CACNB4: variants seen among roughly 807,000 people sequenced by gnomAD.
CACNB4 encodes the protein voltage-dependent L-type calcium channel subunit beta-4.
CACNB4 carries 32 observed loss-of-function variants against 71.2 expected under a neutral mutation model. The observed-to-expected ratio is 0.45, with a 90% CI of 0.34 to 0.60. CACNB4 has a LOEUF of 0.60. CACNB4 is among the 20% of genes least tolerant of loss of function. The pLI is 0.01. For missense variants in CACNB4, 464 were observed against 647.9 expected, an observed-to-expected ratio of 0.72 and a Z score of 3.08; for synonymous variants, 231 against 236.9, an observed-to-expected ratio of 0.97 and a Z score of 0.23.
At chr2:152,067,420 A>C (rs1686409560) in intron 2 of CACNB4, among the ~76,000 whole-genome samples, 1 of 151,122 alleles carries the variant, frequency 6.6e-6, no homozygotes, top group African/African-American at 2.5e-5. Flanking sequence ...TGTGTTGCCC[A>C]GGCTGGTCTT....
intron 2 of CACNB4, among the ~76,000 whole-genome samples, chr2:151,986,567 T>C (rs1206515238): frequency 6.6e-6 from 1 of 152,186 alleles, no homozygotes; most frequent in Non-Finnish European, 1.5e-5. Flanking sequence ...CTATTGATAT[T>C]GGGGTCACAT....
intron 2 of CACNB4, among the ~76,000 whole-genome samples, chr2:151,940,631 G>A (rs979851442): frequency 6.6e-6 from 1 of 152,160 alleles, no homozygotes; most frequent in Non-Finnish European, 1.5e-5. Context: ...TATCCTATCG[G>A]AACTTCAATT....
At chr2:152,029,830 T>G (rs900699954) in intron 2 of CACNB4, among the ~76,000 whole-genome samples, 2 of 152,232 alleles carry the variant, frequency 1.3e-5, no homozygotes, top group Non-Finnish European at 2.9e-5. Flanking sequence ...GCACCATCCA[T>G]GAACCAGAAC....
chr2:152,093,400 GGTGTGTGTGTGTGTGT>G (rs34845177), intron 2 of CACNB4, among the ~76,000 whole-genome samples: 1 of 146,556 alleles, frequency 6.8e-6, no homozygotes, highest in Non-Finnish European at 1.5e-5. Flanking sequence ...GCTGTTTTTT[GGTGTGTGTGTGTGTGT>G]GTGTGTGTGT....
intron 2 of CACNB4, among the ~76,000 whole-genome samples, chr2:152,031,970 G>C (rs919851950): frequency 2.6e-5 from 4 of 152,152 alleles, no homozygotes; most frequent in East Asian, 3.8e-4. Context: ...TTGAACGAAG[G>C]CTCCATCAGG....
At chr2:151,955,888 G>A (rs557789788) in intron 2 of CACNB4, among the ~76,000 whole-genome samples, 1 of 150,004 alleles carries the variant, frequency 6.7e-6, no homozygotes, top group East Asian at 1.9e-4. Context: ...GGCCAACAGA[G>A]CAAGGCACGG....
chr2:151,933,620 A>C (rs2099862174), intron 2 of CACNB4, among the ~76,000 whole-genome samples: 1 of 152,146 alleles, frequency 6.6e-6, no homozygotes, highest in Admixed American at 6.5e-5. Context: ...TGTGTGAACC[A>C]CCAGACCCTA....
chr2:151,985,280 C>A (rs1032899416), intron 2 of CACNB4, among the ~76,000 whole-genome samples: 2 of 152,070 alleles, frequency 1.3e-5, no homozygotes, highest in African/African-American at 2.4e-5. Flanking sequence ...TTAGCAGTAA[C>A]AACATAAGTG....
rs117999543 is a variant in CACNB4 at position 151,958,557 on chromosome 2, G to A, written c.148-75187C>T. On this transcript the variant is annotated intron_variant, in intron 2 of 13. Transcript: ENST00000539935. ...TCTCAGTGGCATCACTGTCCAACCG[G>A]TCAGTCACCTAAGCCGAAAGTGGGA... is the stretch of plus-strand genomic sequence containing the variant. 5.3e-4 allele frequency among the ~76,000 whole-genome samples: 80 copies of A among 152,272 alleles called. No individual in the cohort carries two copies. The East Asian group carries it at 0.014, about 26-fold the overall frequency.
At chr2:151,928,616 A>G (rs2099860848) in intron 2 of CACNB4, among the ~76,000 whole-genome samples, 1 of 152,198 alleles carries the variant, frequency 6.6e-6, no homozygotes, top group Non-Finnish European at 1.5e-5. Flanking sequence ...TCGTTTGGTA[A>G]ATAGTTCCAA....
At chr2:151,864,598 T>C (rs929845127) in intron 9 of CACNB4, among the ~76,000 whole-genome samples, 1 of 152,182 alleles carries the variant, frequency 6.6e-6, no homozygotes, top group Non-Finnish European at 1.5e-5. Context: ...AATGCAACAG[T>C]GCACTTTCAG....
intron 2 of CACNB4, among the ~76,000 whole-genome samples, chr2:152,003,954 C>T (rs1289816715): frequency 6.6e-6 from 1 of 152,114 alleles, no homozygotes; most frequent in East Asian, 1.9e-4. Flanking sequence ...AAGCAATCCT[C>T]TCACCTCTGC....
At chr2:151,935,806 G>A (rs1415134095) in intron 2 of CACNB4, among the ~76,000 whole-genome samples, 1 of 152,166 alleles carries the variant, frequency 6.6e-6, no homozygotes, top group Non-Finnish European at 1.5e-5. Context: ...TTCAAGATCG[G>A]ATGTGTTCTT....
At chr2:152,008,033 A>C (rs1682829653) in intron 2 of CACNB4, among the ~76,000 whole-genome samples, 1 of 151,800 alleles carries the variant, frequency 6.6e-6, no homozygotes, top group South Asian at 2.1e-4. Flanking sequence ...CAGCCTCCCA[A>C]AGTGCTGGGA....
Position 152,073,422 on chromosome 2 carries a change from C to T in CACNB4, c.147+24908G>A, listed in dbSNP as rs149436069. 2.0e-5 allele frequency among the ~76,000 whole-genome samples: 3 copies of T among 152,260 alleles called. 1 individual carries two copies. The highest frequency in any genetic ancestry group is 4.1e-4 in the South Asian group (2 of 4,826). ...TTGAAGTGAATGCTTTAGCTCAATG[C>T]CATTCGCCTGTGTAGTAAACTGGCA... On this transcript the variant is annotated intron_variant, in intron 2 of 13. Coordinates refer to ENST00000539935, the MANE Select transcript of CACNB4 (RefSeq NM_000726.5).
intron 2 of CACNB4, among the ~76,000 whole-genome samples, chr2:152,021,417 A>G (rs1683662208): frequency 6.6e-6 from 1 of 152,226 alleles, no homozygotes; most frequent in Non-Finnish European, 1.5e-5. Context: ...ATAAGGAGTA[A>G]TGTTACCCTT....
chr2:151,878,349 T>C (rs2099846978), intron 4 of CACNB4, among the ~76,000 whole-genome samples: 1 of 152,170 alleles, frequency 6.6e-6, no homozygotes, highest in African/African-American at 2.4e-5. Context: ...GGTAAGAATT[T>C]GGCCTTTGTT....
intron 2 of CACNB4, among the ~76,000 whole-genome samples, chr2:151,888,726 C>A (rs980224665): frequency 1.3e-5 from 2 of 152,156 alleles, no homozygotes; most frequent in African/African-American, 4.8e-5. Flanking sequence ...GGAGTGGCCA[C>A]TACATGAAAG....
intron 2 of CACNB4, among the ~76,000 whole-genome samples, chr2:151,915,995 G>T (rs376845177): frequency 0.011 from 616 of 53,886 alleles, 4 homozygotes; most frequent in African/African-American, 0.018. Context: ...CTGGGGGGAG[G>T]GGGTTCCCCT....
Sources: allele counts gnomAD v4.1 joint callset (sites outside exome capture counted in the v4.1 genomes callset), GRCh38; gene constraint gnomAD v4.1.1; transcripts MANE v1.5; gene names NCBI Gene and HGNC (gene_info 2026-07-23, HGNC 2026-07-21).